Variants in RNF150 observed in about 807,000 individuals in gnomAD.
The protein encoded by RNF150 is ring finger protein 150.
In RNF150, 24 loss-of-function variants were observed where a neutral mutation model predicts 39.3. The observed-to-expected ratio is 0.61, with a 90% CI of 0.44 to 0.86. The LOEUF (loss-of-function observed/expected upper bound fraction) is 0.86, where lower values mean the gene tolerates loss of function less well. RNF150 is among the 40% of genes least tolerant of loss of function. RNF150 has a pLI of 0.00. For synonymous variants in RNF150, 255 were observed against 227.3 expected (o/e 1.12, Z -1.10); for missense variants, 502 against 587.8 (o/e 0.85, Z 1.51).
rs536339314 is a variant in RNF150 at position 141,114,837 on chromosome 4, A to G, written c.484+17488T>C. The stretch of plus-strand genomic sequence containing the variant: ...ATCCCTGGGATGCAAGGCTGGTTCA[A>G]CATATGCAAATCAATAAGTGTAATT... On this transcript the variant is annotated intron_variant, in intron 1 of 6. Transcript: ENST00000515673. Among the ~76,000 whole-genome samples the G allele has an allele frequency of 8.8e-4, 134 of 152,232 alleles. 1 individual carries two copies. Among genetic ancestry groups the G allele is most frequent in the Non-Finnish European group, 1.6e-3 (110 of 68,046 alleles).
intron 1 of RNF150, among the ~76,000 whole-genome samples, chr4:140,987,031 T>C (rs924634742): frequency 1.3e-5 from 2 of 151,764 alleles, no homozygotes; most frequent in Non-Finnish European, 1.5e-5. Context: ...AATAGCCACA[T>C]AGACAAAAAT....
intron 6 of RNF150, among the ~76,000 whole-genome samples, chr4:140,908,988 T>C (rs925008434): frequency 1.3e-5 from 2 of 152,178 alleles, no homozygotes; most frequent in Non-Finnish European, 2.9e-5. Context: ...AGCTCATGCC[T>C]TAAATGTTTT....
chr4:140,939,619 TGTGTGTGTGTGTG>T (rs1732000990), intron 4 of RNF150, among the ~76,000 whole-genome samples: 1 of 6,906 alleles, frequency 1.4e-4, no homozygotes, highest in African/African-American at 2.9e-4. Flanking sequence ...TGTGTGTGTG[TGTGTGTGTGTGTG>T]TGTGTGTGTG....
chr4:141,097,077 G>C lies in RNF150; in HGVS notation c.484+35248C>G, dbSNP rs574095529. Reference sequence around the variant, plus strand: ...ATCCAATTAACACTGTCTTCATGTGGTTTTATAAGAGATTAGCATCTGCAA... The same window carrying C: ...ATCCAATTAACACTGTCTTCATGTGCTTTTATAAGAGATTAGCATCTGCAA... On this transcript the variant is annotated intron_variant, in intron 1 of 6. Transcript: ENST00000515673. 2.0e-5 allele frequency among the ~76,000 whole-genome samples: 3 copies of C among 152,264 alleles called. No homozygotes were observed. The South Asian group carries it at 6.2e-4, about 32-fold the overall frequency.
At chr4:140,922,294 C>T (rs1310392232) in intron 5 of RNF150, among the ~76,000 whole-genome samples, 2 of 150,886 alleles carry the variant, frequency 1.3e-5, no homozygotes, top group Non-Finnish European at 3.0e-5. Flanking sequence ...AATCAATGTG[C>T]AAAAATCACA....
At chr4:141,106,413 A>G (rs1237385396) in intron 1 of RNF150, among the ~76,000 whole-genome samples, 1 of 152,212 alleles carries the variant, frequency 6.6e-6, no homozygotes, top group African/African-American at 2.4e-5. Flanking sequence ...GAGTAAGAAG[A>G]TGTGAGTTTG....
At chr4:140,962,657 A>C in intron 2 of RNF150, among the ~76,000 whole-genome samples, 1 of 151,960 alleles carries the variant, frequency 6.6e-6, no homozygotes, top group East Asian at 1.9e-4. Flanking sequence ...GCAGTCATCA[A>C]AGAATCTATA....
chr4:140,957,107 A>C (rs1231885060), intron 2 of RNF150, among the ~76,000 whole-genome samples: 2 of 149,896 alleles, frequency 1.3e-5, no homozygotes, highest in African/African-American at 4.9e-5. Flanking sequence ...CTACCATCAG[A>C]GTGAACAGGC....
chr4:140,876,211 C>A (rs146056124), intron 6 of RNF150, among the ~76,000 whole-genome samples: 2 of 152,316 alleles, frequency 1.3e-5, no homozygotes, highest in Non-Finnish European at 2.9e-5. Flanking sequence ...AATTTCCAAT[C>A]AACCCTGTAT....
At chr4:141,060,179 G>A (rs550850865) in intron 1 of RNF150, among the ~76,000 whole-genome samples, 86 of 152,198 alleles carry the variant, frequency 5.7e-4, no homozygotes, top group Non-Finnish European at 1.0e-3. Flanking sequence ...AGTGGCTCAC[G>A]CCTGTAATCC....
chr4:140,905,074 C>T (rs1158297252), intron 6 of RNF150, among the ~76,000 whole-genome samples: 1 of 152,038 alleles, frequency 6.6e-6, no homozygotes, highest in Non-Finnish European at 1.5e-5. Context: ...AGTATGTGTC[C>T]CTGGAAAGCT....
At chr4:140,947,828 G>C in intron 3 of RNF150, 92 bp from the exon 4 acceptor site, 1 of 815,598 alleles carries the variant, frequency 1.2e-6, no homozygotes, top group Non-Finnish European at 1.9e-6. Context: ...CTTGCCTGGA[G>C]CAAAGCTTTC....
At chr4:141,115,677 T>C (rs944340320) in intron 1 of RNF150, among the ~76,000 whole-genome samples, 1 of 152,208 alleles carries the variant, frequency 6.6e-6, no homozygotes, top group African/African-American at 2.4e-5. Flanking sequence ...AGAGCCTGTA[T>C]AGCCAAGACA....
chr4:141,133,854 C>G (rs568180249), upstream of RNF150, among the ~76,000 whole-genome samples: 48 of 152,084 alleles, frequency 3.2e-4, no homozygotes, highest in Non-Finnish European at 5.1e-4. Flanking sequence ...AGGGCAGTGG[C>G]TATCAAATCT....
In RNF150 at chr4:141,062,495, CTT is replaced by C. The variant is rs556899146; in HGVS notation, c.484+69828_484+69829del. On this transcript the variant is annotated intron_variant, in intron 1 of 6. Coordinates refer to ENST00000515673, the MANE Select transcript of RNF150 (RefSeq NM_020724.2). ...TAATCTTACCACTTAGAGGCAGCAC[CTT>C]TGTTTTTTTTTCCTTTACATATACA... Among the ~76,000 whole-genome samples, 4 of 151,956 alleles carry C rather than the reference CTT, an allele frequency of 2.6e-5. No individual in the cohort carries two copies. The South Asian group carries it at 8.3e-4, about 32-fold the overall frequency.
In RNF150 at chr4:141,105,000, CAT is replaced by C. The variant is rs1208637548; in HGVS notation, c.484+27323_484+27324del. 6.6e-5 allele frequency among the ~76,000 whole-genome samples: 10 copies of C among 152,292 alleles called. 1 individual carries two copies. The East Asian group carries it at 1.7e-3, about 26-fold the overall frequency. Reference sequence around the variant, plus strand: ...TCGTGATTTAACATCCAAATATTAACATAGTGACTATGCGTTGCCCTCATTTT... The same window carrying C: ...TCGTGATTTAACATCCAAATATTAACAGTGACTATGCGTTGCCCTCATTTT... On this transcript the variant is annotated intron_variant, in intron 1 of 6. Coordinates refer to ENST00000515673, the MANE Select transcript of RNF150 (RefSeq NM_020724.2).
At chr4:141,173,111 C>T (rs550823226) in intron 1 of RNF150, among the ~76,000 whole-genome samples, 21 of 152,190 alleles carry the variant, frequency 1.4e-4, no homozygotes, top group Non-Finnish European at 2.2e-4. Flanking sequence ...TCAAGAGAGA[C>T]GCTACCTCCA....
intron 1 of RNF150, among the ~76,000 whole-genome samples, chr4:140,981,033 T>C (rs1733841658): frequency 6.6e-6 from 1 of 152,188 alleles, no homozygotes; most frequent in African/African-American, 2.4e-5. Context: ...GAGATTCCTT[T>C]ATTAAAGGCT....
At chr4:140,988,708 G>A (rs1480771861) in intron 1 of RNF150, among the ~76,000 whole-genome samples, 2 of 145,164 alleles carry the variant, frequency 1.4e-5, no homozygotes, top group Non-Finnish European at 3.0e-5. Flanking sequence ...GCACATGTAT[G>A]TTTATTGCAG....
Sources: allele counts gnomAD v4.1 joint callset (sites outside exome capture counted in the v4.1 genomes callset), GRCh38; gene constraint gnomAD v4.1.1; transcripts MANE v1.5; gene names NCBI Gene and HGNC (gene_info 2026-07-23, HGNC 2026-07-21).